The following AUNIP variants were observed in gnomAD, a reference collection of about 807,000 sequenced individuals.
AUNIP encodes the protein aurora kinase A and ninein interacting protein.
AUNIP carries 16 observed loss-of-function variants against 12.2 expected under a neutral mutation model. The ratio of observed to expected loss-of-function variants is 1.31; its 90% CI spans 0.88 to 1.99. The LOEUF is 1.99. Ranked by LOEUF, AUNIP falls within the 30% of genes most tolerant of loss-of-function variation. The pLI, the probability that AUNIP is intolerant of heterozygous loss-of-function variation, is 0.00. For synonymous variants in AUNIP, 142 were observed against 154.8 expected (o/e 0.92, Z 0.61); for missense variants, 411 against 419.1 (o/e 0.98, Z 0.17).
At position 25,847,618 on chromosome 1, in the gene AUNIP, G is replaced by A. The variant is rs1311811665; in HGVS notation, c.79-10064C>T. Among the ~76,000 whole-genome samples the A allele has an allele frequency of 6.6e-6, 1 of 151,964 alleles. No homozygotes were observed. Among genetic ancestry groups the A allele is most frequent in the South Asian group, 2.1e-4 (1 of 4,818 alleles). On this transcript the variant is annotated intron_variant, in intron 1 of 2. Transcript: ENST00000374298. This position sits in a 1 kb window ranked among gnomAD's most constrained non-coding sequence, Gnocchi z 4.2. ...AAGCCTATTTAGGTCCTTCTTGAGC[G>A]TACCTATACTTTTATATAGAGAGAG...
At chr1:25,852,637 G>T (rs894202508) in intron 1 of AUNIP, among the ~76,000 whole-genome samples, 7 of 151,556 alleles carry the variant, frequency 4.6e-5, no homozygotes, top group Non-Finnish European at 8.8e-5. Flanking sequence ...ACAGGGTTTC[G>T]CCGTGTTGGC....
rs1200449724 is a variant in AUNIP at position 25,837,497 on chromosome 1, CCTTT to C, written c.132_135del (p.Lys45LeufsTer58). 6 of 1,613,632 alleles carry C rather than the reference CCTTT, an allele frequency of 3.7e-6. No individual in the cohort carries two copies. In the African/African-American group the frequency reaches 5.3e-5, roughly 14 times the overall value. ...CTTCTTTGAGTAAAATAAATATTAG[CCTTT>C]CTTTCTCCAGGAAGGAGTGTTAGCA... is the stretch of plus-strand genomic sequence containing the variant. On this transcript the variant is annotated frameshift_variant, in exon 2 of 3. Coordinates refer to ENST00000374298, the MANE Select transcript of AUNIP (RefSeq NM_024037.3). LOFTEE classifies it high-confidence loss of function.
chr1:25,835,769 C>A lies in AUNIP; in HGVS notation c.298G>T (p.Ala100Ser), dbSNP rs1383251960. 6.2e-7 allele frequency: 1 copy of A among 1,614,192 alleles called. No homozygotes were observed. Among genetic ancestry groups the A allele is most frequent in the Non-Finnish European group, 8.5e-7 (1 of 1,180,038 alleles). Residue 100 changes from alanine to serine, a missense_variant, in exon 3 of 3, where the codon GCG becomes TCG. By Grantham distance (99) the Ala-to-Ser change is moderately conservative (BLOSUM62 1). Coordinates refer to ENST00000374298, the MANE Select transcript of AUNIP (RefSeq NM_024037.3). ...SQINKESKKNATQLDHLIPGL... is the reference protein window; with the variant it reads ...SQINKESKKNSTQLDHLIPGL... ...GGGATCAAATGGTCTAGCTGGGTCG[C>A]ATTTTTCTTGGACTCTTTGTTGATC...
At chr1:25,833,505 A>G (rs2124490899), downstream of AUNIP, among the ~76,000 whole-genome samples, 1 of 151,964 alleles carries the variant, frequency 6.6e-6, no homozygotes, top group Non-Finnish European at 1.5e-5. Flanking sequence ...AAATTAGGCC[A>G]GGCACAGTGG....
At chr1:25,851,212 T>C (rs1370547570) in intron 1 of AUNIP, among the ~76,000 whole-genome samples, 1 of 152,270 alleles carries the variant, frequency 6.6e-6, no homozygotes, top group African/African-American at 2.4e-5. Context: ...ATTCCTAAGA[T>C]AAATTCCTCT....
intron 1 of AUNIP, among the ~76,000 whole-genome samples, chr1:25,841,178 G>A (rs1303231506): frequency 6.6e-6 from 1 of 152,162 alleles, no homozygotes; most frequent in Non-Finnish European, 1.5e-5. Context: ...ATGGCTTCAA[G>A]GATCTACCTC....
chr1:25,856,215 AT>A (rs2124516315), intron 1 of AUNIP, among the ~76,000 whole-genome samples: 1 of 152,012 alleles, frequency 6.6e-6, no homozygotes, highest in African/African-American at 2.4e-5. Context: ...AAATACAAAA[AT>A]TAGCCAGGTA....
chr1:25,858,215 T>C (rs1016011985), intron 1 of AUNIP, among the ~76,000 whole-genome samples: 7 of 152,150 alleles, frequency 4.6e-5, no homozygotes, highest in Non-Finnish European at 8.8e-5. Context: ...AAATTTCTTA[T>C]CTATAAAACC....
chr1:25,841,294 C>T (rs574432783), intron 1 of AUNIP, among the ~76,000 whole-genome samples: 7 of 152,276 alleles, frequency 4.6e-5, no homozygotes, highest in African/African-American at 1.7e-4. Flanking sequence ...AAAATAAAGG[C>T]GGCTGTTTGT....
intron 1 of AUNIP, among the ~76,000 whole-genome samples, chr1:25,841,587 G>A (rs542491344): frequency 4.6e-5 from 7 of 151,412 alleles, no homozygotes; most frequent in Non-Finnish European, 7.4e-5. Flanking sequence ...GCAGTGGCAC[G>A]ATCTCGGCTC....
chr1:25,834,517 T>G lies in AUNIP; in HGVS notation c.*476A>C, dbSNP rs112157382. The G allele has an allele frequency of 1.3e-6, 1 of 766,036 alleles. No individual in the cohort carries two copies. Among genetic ancestry groups the G allele is most frequent in the Non-Finnish European group, 1.6e-6 (1 of 630,866 alleles). 47.5% of individuals were successfully genotyped at this position (766,036 alleles called of 1,614,324 possible). On this transcript the variant is annotated 3_prime_UTR_variant, in exon 3 of 3. Transcript: ENST00000374298. ...CTGTAGTCCCTGCTATTCGGGAGGC[T>G]GAGGCAGGAGAATCGCTTGAATCCG...
At chr1:25,849,919 G>A (rs758046624) in intron 1 of AUNIP, among the ~76,000 whole-genome samples, 6 of 152,144 alleles carry the variant, frequency 3.9e-5, no homozygotes, top group South Asian at 2.1e-4. Context: ...TTACAGGCGT[G>A]AGCCACTGCA....
At chr1:25,846,018 C>A (rs550198259) in intron 1 of AUNIP, among the ~76,000 whole-genome samples, 3 of 152,152 alleles carry the variant, frequency 2.0e-5, no homozygotes, top group South Asian at 2.1e-4. Flanking sequence ...TTCATCTAAA[C>A]CTCATGAAAA....
intron 1 of AUNIP, among the ~76,000 whole-genome samples, chr1:25,850,835 A>G (rs2048420007): frequency 6.6e-6 from 1 of 152,174 alleles, no homozygotes; most frequent in African/African-American, 2.4e-5. Context: ...TATTTTCTGC[A>G]AACAGATAAT....
chr1:25,835,827 G>A lies in AUNIP; in HGVS notation c.240C>T (p.Asp80=). ...TLQPGKTNGS[D]QKSVSSHTES... ...CTGTATGAGATGAAACACTCTTCTGGTCACTGCCATTTGTCTTTCCTAATA... is the reference window on the plus strand; with the variant it reads ...CTGTATGAGATGAAACACTCTTCTGATCACTGCCATTTGTCTTTCCTAATA... Residue 80 remains aspartate (D), a synonymous_variant, in exon 3 of 3, where the codon GAC becomes GAT. Coordinates refer to ENST00000374298, the MANE Select transcript of AUNIP (RefSeq NM_024037.3). 6.2e-7 allele frequency: 1 copy of A among 1,613,404 alleles called. No individual in the cohort carries two copies. The highest frequency in any genetic ancestry group is 8.5e-7 in the Non-Finnish European group (1 of 1,179,384).
chr1:25,843,594 GAAAAAAAAA>G (rs769525747), intron 1 of AUNIP, among the ~76,000 whole-genome samples: 1,144 of 31,878 alleles, frequency 0.036, 22 homozygotes, highest in African/African-American at 0.11. Flanking sequence ...CTGTCTGTTT[GAAAAAAAAA>G]AAAAAAAAAA....
chr1:25,835,667 G>T lies in AUNIP; in HGVS notation c.400C>A (p.Pro134Thr), dbSNP rs201314032. The change falls in exon 3 of 3, where the codon CCT (proline) becomes ACT (threonine). Residue 134 changes from proline (P) to threonine (T), a missense_variant. Physicochemically the swap from Pro to Thr is conservative, Grantham distance 38 (BLOSUM62 -1). Transcript: ENST00000374298. ...TGGCCAGAAGTCTGGAGGGACTGAGGAGAGAGTCCAGCTTCCTGGATGTCT... is the reference window on the plus strand; with the variant it reads ...TGGCCAGAAGTCTGGAGGGACTGAGTAGAGAGTCCAGCTTCCTGGATGTCT... ...TADIQEAGLS[P>T]QSLQTSGHHR... 23 of 1,614,192 alleles carry T rather than the reference G, an allele frequency of 1.4e-5. No individual in the cohort carries two copies. The East Asian group carries it at 4.7e-4, about 33-fold the overall frequency.
chr1:25,839,291 T>C (rs2887261), intron 1 of AUNIP, among the ~76,000 whole-genome samples: 119,470 of 152,188 alleles, frequency 0.79, 47,170 homozygotes, highest in East Asian at 0.98. Context: ...AGATTTGCAG[T>C]GCAGAGAAAG....
chr1:25,850,531 T>A (rs1317118301), intron 1 of AUNIP, among the ~76,000 whole-genome samples: 4 of 152,214 alleles, frequency 2.6e-5, no homozygotes, highest in Admixed American at 2.0e-4. Context: ...TATTCCTATC[T>A]TAAGTCTTCT....
Sources: gnomAD v4.1 joint callset for allele counts (sites outside exome capture counted in the v4.1 genomes callset) on GRCh38, gnomAD v4.1.1 for gene constraint, Gnocchi (gnomAD v3.1) non-coding constraint, MANE v1.5 for transcripts, NCBI Gene and HGNC (gene_info 2026-07-23, HGNC 2026-07-21) for gene names.